SNX14: variants seen among roughly 807,000 people sequenced by gnomAD.
The protein encoded by SNX14 is sorting nexin-14.
SNX14 carries 93 observed loss-of-function variants against 133.8 expected under a neutral mutation model. The observed-to-expected ratio is 0.70, with a 90% CI of 0.59 to 0.83. SNX14 has a LOEUF of 0.83. Ranked by LOEUF, SNX14 falls within the 40% of genes least tolerant of loss-of-function variation. SNX14 has a pLI of 0.00. For synonymous variants in SNX14, 368 were observed against 365.6 expected (o/e 1.01, Z -0.07); for missense variants, 945 against 1,094.9 (o/e 0.86, Z 1.93).
intron 26 of SNX14, among the ~76,000 whole-genome samples, chr6:85,512,564 G>A (rs190249621): frequency 9.8e-4 from 147 of 150,038 alleles, no homozygotes; most frequent in Admixed American, 2.8e-3. Flanking sequence ...GGAGGTTGCA[G>A]TGAGCAGAGA....
intron 17 of SNX14, among the ~76,000 whole-genome samples, chr6:85,536,318 C>T (rs1582724421): frequency 6.6e-6 from 1 of 152,260 alleles, no homozygotes; most frequent in East Asian, 1.9e-4. Context: ...CAAATTGATT[C>T]AGTAAGTCTA....
chr6:85,519,406 G>C (rs1776075885), intron 21 of SNX14, among the ~76,000 whole-genome samples: 1 of 152,192 alleles, frequency 6.6e-6, no homozygotes, highest in Non-Finnish European at 1.5e-5. Context: ...ACCTAAGGTG[G>C]AAAGATCAAT....
At chr6:85,558,887 T>TA (rs1790617880) in intron 6 of SNX14, among the ~76,000 whole-genome samples, 1 of 151,344 alleles carries the variant, frequency 6.6e-6, no homozygotes, top group Non-Finnish European at 1.5e-5. Context: ...GTGATCATGG[T>TA]AGGTTAGTGA....
chr6:85,518,448 A>G (rs1416013197), intron 21 of SNX14, among the ~76,000 whole-genome samples: 1 of 152,224 alleles, frequency 6.6e-6, no homozygotes, highest in African/African-American at 2.4e-5. Context: ...GTCAGTCAAA[A>G]AAAAGTTTTA....
At chr6:85,592,080 G>T (rs1184588024) in intron 1 of SNX14, among the ~76,000 whole-genome samples, 1 of 152,206 alleles carries the variant, frequency 6.6e-6, no homozygotes. Flanking sequence ...TGTTAGTCTA[G>T]CTTGGAATAC....
At chr6:85,564,967 C>T (rs933319885) in intron 6 of SNX14, among the ~76,000 whole-genome samples, 8 of 147,786 alleles carry the variant, frequency 5.4e-5, no homozygotes, top group African/African-American at 1.5e-4. Context: ...CCAGCCTGGG[C>T]GACAGAGCAA....
At position 85,529,821 on chromosome 6, in the gene SNX14, C is replaced by CA. The variant is rs200623706; in HGVS notation, c.1894+370dup. 4.2e-4 allele frequency among the ~76,000 whole-genome samples: 62 copies of CA among 149,352 alleles called. 1 individual carries two copies. The East Asian group carries it at 6.6e-3, about 16-fold the overall frequency. On this transcript the variant is annotated intron_variant, in intron 19 of 28. Coordinates refer to ENST00000314673, the MANE Select transcript of SNX14 (RefSeq NM_153816.6). The stretch of plus-strand genomic sequence containing the variant: ...CAAATAAAATTCACCAAGCTAAATA[C>CA]AAAAAAAAATAGCTGGAAATTCTTT...
At chr6:85,512,338 T>C (rs963202956) in intron 26 of SNX14, among the ~76,000 whole-genome samples, 2 of 152,100 alleles carry the variant, frequency 1.3e-5, no homozygotes, top group African/African-American at 4.8e-5. Context: ...AAAGTGTGGA[T>C]GGGCTGGGCA....
intron 18 of SNX14, 85 bp downstream of exon 18, chr6:85,533,514 G>A: frequency 7.7e-7 from 1 of 1,298,328 alleles, no homozygotes; most frequent in Non-Finnish European, 1.1e-6. Context: ...TTGTTAGTTA[G>A]AAGTGGCAAA....
intron 6 of SNX14, among the ~76,000 whole-genome samples, chr6:85,558,517 A>T (rs1790476688): frequency 6.6e-6 from 1 of 152,202 alleles, no homozygotes; most frequent in South Asian, 2.1e-4. Context: ...CCCAGCCTGG[A>T]GAGCAGTGGC....
At chr6:85,530,679 A>C (rs962240616) in intron 18 of SNX14, among the ~76,000 whole-genome samples, 2 of 152,144 alleles carry the variant, frequency 1.3e-5, no homozygotes, top group Non-Finnish European at 2.9e-5. Context: ...AGAAAAAAGA[A>C]TACAAAGCTG....
chr6:85,528,398 C>T (rs779029710), intron 19 of SNX14, 36 bp from the exon 20 acceptor site: 1 of 1,496,386 alleles, frequency 6.7e-7, no homozygotes, highest in Non-Finnish European at 9.1e-7. Context: ...TTACTGTGTT[C>T]TGCTACTATT....
chr6:85,565,245 G>T (rs1375645796), intron 6 of SNX14, 87 bp downstream of exon 6: 2 of 728,466 alleles, frequency 2.7e-6, no homozygotes, highest in Admixed American at 2.8e-5. Context: ...ATGTACATTT[G>T]CCATGTACTC....
At chr6:85,526,965 A>G (rs572847820) in intron 20 of SNX14, among the ~76,000 whole-genome samples, 16 of 152,290 alleles carry the variant, frequency 1.1e-4, no homozygotes, top group African/African-American at 3.4e-4. Context: ...GCTACTTGGG[A>G]GGCCGAGGCT....
At chr6:85,513,663 T>C (rs1026455089) in intron 26 of SNX14, 137 bp downstream of exon 26, 11 of 637,622 alleles carry the variant, frequency 1.7e-5, no homozygotes, top group Non-Finnish European at 2.6e-5. Flanking sequence ...AACTAGTGTG[T>C]TAATTTTAAC....
intron 7 of SNX14, among the ~76,000 whole-genome samples, chr6:85,550,870 A>G (rs994161753): frequency 1.3e-5 from 2 of 149,440 alleles, no homozygotes; most frequent in Non-Finnish European, 3.0e-5. Context: ...TGCTACCTCC[A>G]CCTCCCAGGT....
intron 5 of SNX14, among the ~76,000 whole-genome samples, 164 bp downstream of exon 5, chr6:85,567,370 G>C (rs1794219557): frequency 6.6e-6 from 1 of 152,134 alleles, no homozygotes. Context: ...TAATTATCAT[G>C]TAATGCACAG....
At chr6:85,526,261 A>G in intron 20 of SNX14, 24 bp from the exon 21 acceptor site, 1 of 1,480,706 alleles carries the variant, frequency 6.8e-7, no homozygotes, top group South Asian at 1.2e-5. Flanking sequence ...AAAAAACGGA[A>G]AACACAGTTT....
Position 85,565,328 on chromosome 6 carries a change from A to G in SNX14, c.549+4T>C, listed in dbSNP as rs1263627250. 2 of 1,554,308 alleles carry G rather than the reference A, an allele frequency of 1.3e-6. No individual in the cohort carries two copies. Among genetic ancestry groups the G allele is most frequent in the Non-Finnish European group, 8.7e-7 (1 of 1,145,452 alleles). ...TTCCCAAATTTCTCATTAAAAATAT[A>G]TACCTTGTGAATCCTTCTTATTAAG... On this transcript the variant is annotated splice_donor_region_variant and intron_variant, in intron 6 of 28. Transcript: ENST00000314673.
Sources: allele counts gnomAD v4.1 joint callset (sites outside exome capture counted in the v4.1 genomes callset), GRCh38; gene constraint gnomAD v4.1.1; transcripts MANE v1.5; gene names NCBI Gene and HGNC (gene_info 2026-07-23, HGNC 2026-07-21).